The following GALNT1 variants were observed in gnomAD, a reference collection of about 807,000 sequenced individuals.
The protein encoded by GALNT1 is GalNAc transferase 1.
Under a neutral mutation model 65.7 loss-of-function variants are expected in GALNT1, and 17 were observed. The observed-to-expected ratio is 0.26, with a 90% CI of 0.18 to 0.39. GALNT1 has a LOEUF of 0.39. GALNT1 is among the 10% of genes least tolerant of loss of function. The pLI is 1.00. For synonymous variants in GALNT1, 210 were observed against 219.7 expected, an observed-to-expected ratio of 0.96 and a Z score of 0.39; for missense variants, 460 against 672.8, an observed-to-expected ratio of 0.68 and a Z score of 3.50.
At chr18:35,707,629 GTTTAT>G (rs1321086641) in intron 11 of GALNT1, among the ~76,000 whole-genome samples, 4 of 152,236 alleles carry the variant, frequency 2.6e-5, no homozygotes. Flanking sequence ...TTTGTGATGG[GTTTAT>G]TTTAATGAAT....
Position 35,691,040 on chromosome 18 carries a change from T to C in GALNT1, c.1007T>C (p.Ile336Thr). The C allele has an allele frequency of 6.2e-7, 1 of 1,605,102 alleles. No homozygotes were observed. Among genetic ancestry groups the C allele is most frequent in the Non-Finnish European group, 8.5e-7 (1 of 1,176,680 alleles). Reference sequence around the variant, plus strand: ...TGGCAGTGTGGAGGAACTTTGGAAATTGTTACATGCTCACATGTTGGACAT... The same window carrying C: ...TGGCAGTGTGGAGGAACTTTGGAAACTGTTACATGCTCACATGTTGGACAT... ...RIWQCGGTLE[I>T]VTCSHVGHVF... The change falls in exon 8 of 12, where the codon ATT (isoleucine) becomes ACT (threonine). Residue 336 changes from isoleucine to threonine, a missense_variant. Coordinates refer to ENST00000269195, the MANE Select transcript of GALNT1 (RefSeq NM_020474.4).
rs115973799 is a variant in GALNT1, at chr18:35,602,794, T to C, written c.-104+20932T>C. 9.0e-3 allele frequency among the ~76,000 whole-genome samples: 1,368 copies of C among 152,292 alleles called. 21 individuals carry two copies. The highest frequency in any genetic ancestry group is 0.029 in the African/African-American group (1,225 of 41,554). On this transcript the variant is annotated intron_variant, in intron 1 of 11. Coordinates refer to ENST00000269195, the MANE Select transcript of GALNT1 (RefSeq NM_020474.4). ...TGGAGCTTGCTGATTTCCCATAGAA[T>C]TGTTATTTTGAATTCTTGATCTGAG...
intron 9 of GALNT1, among the ~76,000 whole-genome samples, chr18:35,695,796 C>T (rs1031191987): frequency 5.9e-5 from 9 of 152,124 alleles, no homozygotes; most frequent in African/African-American, 1.9e-4. Flanking sequence ...GCTGTGACCT[C>T]GTACTGGTCA....
chr18:35,690,914 C>G, intron 7 of GALNT1, 98 bp from the exon 8 acceptor site: 1 of 1,119,668 alleles, frequency 8.9e-7, no homozygotes, highest in Non-Finnish European at 1.3e-6. Flanking sequence ...AAAGCCAAAC[C>G]CCTATTTAAT....
At chr18:35,695,470 G>A (rs999803834) in intron 9 of GALNT1, among the ~76,000 whole-genome samples, 2 of 152,106 alleles carry the variant, frequency 1.3e-5, no homozygotes, top group Non-Finnish European at 2.9e-5. Flanking sequence ...GTTGGTGAGG[G>A]GGAATTGGGG....
chr18:35,627,898 C>G (rs1292729458), intron 1 of GALNT1, among the ~76,000 whole-genome samples: 1 of 152,196 alleles, frequency 6.6e-6, no homozygotes, highest in Non-Finnish European at 1.5e-5. Flanking sequence ...ATGGTCTTAG[C>G]AAACGGCACA....
In GALNT1 at chr18:35,710,289, C is replaced by T. The variant is rs1460688286; in HGVS notation, c.*519C>T. On this transcript the variant is annotated 3_prime_UTR_variant, in exon 12 of 12. Transcript: ENST00000269195. ...ACAACAACAAAAAAACTATATTAAA[C>T]AGGGTTTAAAGGAAATTAAAACAGA... 6.5e-6 allele frequency: 1 copy of T among 152,950 alleles called. No homozygotes were observed. The highest frequency in any genetic ancestry group is 6.5e-5 in the Admixed American group (1 of 15,374). 9.5% of individuals were successfully genotyped at this position (152,950 alleles called of 1,614,324 possible).
At chr18:35,658,700 A>T (rs2047431859) in intron 2 of GALNT1, among the ~76,000 whole-genome samples, 1 of 151,188 alleles carries the variant, frequency 6.6e-6, no homozygotes, top group Non-Finnish European at 1.5e-5. Context: ...ATGTGACCTC[A>T]AAGTTTCTCT....
At chr18:35,591,627 T>C (rs2046445728) in intron 1 of GALNT1, 1 of 154,168 alleles carries the variant, frequency 6.5e-6, no homozygotes, top group Non-Finnish European at 1.5e-5. Flanking sequence ...TGAGAGGGGC[T>C]TTGAATACCA....
At chr18:35,599,132 A>C (rs2046545415) in intron 1 of GALNT1, among the ~76,000 whole-genome samples, 2 of 151,290 alleles carry the variant, frequency 1.3e-5, no homozygotes, top group South Asian at 4.2e-4. Flanking sequence ...CCTTCATTGG[A>C]TGGATAGTTT....
intron 3 of GALNT1, chr18:35,664,643 A>G (rs2047519991): frequency 6.6e-6 from 1 of 152,230 alleles, no homozygotes; most frequent in South Asian, 2.1e-4. Context: ...GTTTATACCA[A>G]TTTACACTCC....
intron 4 of GALNT1, among the ~76,000 whole-genome samples, chr18:35,678,039 ACT>A (rs559517377): frequency 1.2e-3 from 180 of 151,124 alleles, no homozygotes; most frequent in African/African-American, 4.2e-3. Context: ...CAGTGAAAAA[ACT>A]CTCATCATTT....
intron 1 of GALNT1, among the ~76,000 whole-genome samples, chr18:35,640,111 T>A (rs1324403500): frequency 6.6e-6 from 1 of 152,232 alleles, no homozygotes; most frequent in African/African-American, 2.4e-5. Flanking sequence ...ACTACTAGAT[T>A]TCTTTTGCAG....
chr18:35,606,621 C>T (rs556663094), intron 1 of GALNT1, among the ~76,000 whole-genome samples: 37 of 152,170 alleles, frequency 2.4e-4, no homozygotes, highest in Non-Finnish European at 4.6e-4. Flanking sequence ...TAAGGTGATA[C>T]AGTCAGCATA....
At chr18:35,613,576 T>C (rs1370218518) in intron 1 of GALNT1, among the ~76,000 whole-genome samples, 1 of 152,056 alleles carries the variant, frequency 6.6e-6, no homozygotes, top group Non-Finnish European at 1.5e-5. Flanking sequence ...GAACTTTGGC[T>C]TTTGCAGGGT....
chr18:35,627,958 GCCT>G (rs398120309), intron 1 of GALNT1, among the ~76,000 whole-genome samples: 1 of 131,774 alleles, frequency 7.6e-6, no homozygotes, highest in Non-Finnish European at 1.8e-5. Flanking sequence ...CGCCCACGGA[GCCT>G]CGCTCATTGC....
At chr18:35,642,306 A>G (rs1240407836) in intron 1 of GALNT1, among the ~76,000 whole-genome samples, 1 of 152,240 alleles carries the variant, frequency 6.6e-6, no homozygotes. Context: ...GGATGCATGG[A>G]TGGATCCAAG....
chr18:35,691,997 C>T (rs1029949048), intron 8 of GALNT1, among the ~76,000 whole-genome samples, 184 bp from the exon 9 acceptor site: 7 of 152,108 alleles, frequency 4.6e-5, no homozygotes, highest in African/African-American at 1.4e-4. Flanking sequence ...AAAATTAAAA[C>T]ACATTTTAAT....
intron 11 of GALNT1, among the ~76,000 whole-genome samples, chr18:35,704,457 C>T (rs187299586): frequency 1.0e-3 from 157 of 151,658 alleles, no homozygotes; most frequent in Non-Finnish European, 6.0e-4. Flanking sequence ...CACAGGCACA[C>T]GCCATCATGC....
Sources: gnomAD v4.1 joint callset for allele counts (sites outside exome capture counted in the v4.1 genomes callset) on GRCh38, gnomAD v4.1.1 for gene constraint, MANE v1.5 for transcripts, NCBI Gene and HGNC (gene_info 2026-07-23, HGNC 2026-07-21) for gene names.